DGKZ: variants seen among roughly 807,000 people sequenced by gnomAD.
The protein encoded by DGKZ is DAG kinase zeta.
Under a neutral mutation model 142.5 loss-of-function variants are expected in DGKZ, and 45 were observed. That is an observed-to-expected ratio of 0.32 (90% CI 0.25 to 0.40). DGKZ has a LOEUF of 0.40. DGKZ is among the 10% of genes least tolerant of loss of function. The pLI, the probability that DGKZ is intolerant of heterozygous loss-of-function variation, is 1.00. For synonymous variants in DGKZ, 442 were observed against 527.0 expected (o/e 0.84, Z 2.21); for missense variants, 755 against 1,306.5 (o/e 0.58, Z 6.51).
rs1944027307 is a variant in DGKZ, at chr11:46,372,268, C to T, written c.927+98C>T. On this transcript the variant is annotated intron_variant, in intron 10 of 30. Transcript: ENST00000527911. This position sits in a 1 kb window ranked among gnomAD's most constrained non-coding sequence, Gnocchi z 5.9. ...TCCCAGAGCCCGTTTCTGGCTTCTA[C>T]CCCAATCCCTCTTTCCCAGGGATCC... 3.7e-6 allele frequency: 5 copies of T among 1,360,506 alleles called. No homozygotes were observed. 84.3% of individuals were successfully genotyped at this position (1,360,506 alleles called of 1,614,324 possible).
chr11:46,375,544 C>T (rs1426226386), exon 20 of DGKZ: 8 of 1,591,322 alleles, frequency 5.0e-6, no homozygotes, highest in South Asian at 3.4e-5. Context: ...TGCAAGCTTG[C>T]AGCCTCACGC....
upstream of DGKZ, among the ~76,000 whole-genome samples, chr11:46,343,062 T>C (rs1266452539): frequency 6.6e-6 from 1 of 151,452 alleles, no homozygotes; most frequent in African/African-American, 2.4e-5. Context: ...AGGCAGAGGA[T>C]GTAGTAAGCA....
Position 46,367,622 on chromosome 11 carries a change from G to T in DGKZ, c.271-30G>T, listed in dbSNP as rs775914091. On this transcript the variant is annotated intron_variant, in intron 2 of 30. Transcript: ENST00000527911. This position sits in a 1 kb window ranked among gnomAD's most constrained non-coding sequence, Gnocchi z 4.1. Reference sequence around the variant, plus strand: ...TGGGAGGGAGGGCTGGGCGGCCAGCGTGTGCTGAGCAAGCCCATCCCGTGG... The same window carrying T: ...TGGGAGGGAGGGCTGGGCGGCCAGCTTGTGCTGAGCAAGCCCATCCCGTGG... The T allele has an allele frequency of 8.9e-6, 14 of 1,572,260 alleles. No individual in the cohort carries two copies. Among genetic ancestry groups the T allele is most frequent in the Non-Finnish European group, 1.2e-5 (14 of 1,156,108 alleles).
At chr11:46,348,699 C>T (rs983887032) in intron 1 of DGKZ, among the ~76,000 whole-genome samples, 1 of 152,206 alleles carries the variant, frequency 6.6e-6, no homozygotes, top group Non-Finnish European at 1.5e-5. Flanking sequence ...CAGTTCATGG[C>T]AAGTGTGCTG....
At chr11:46,370,056 G>C (rs762855591) in intron 6 of DGKZ, 47 bp downstream of exon 6, 1 of 1,610,658 alleles carries the variant, frequency 6.2e-7, no homozygotes, top group Non-Finnish European at 8.5e-7. Context: ...CTGCGGTCCT[G>C]AGCCCAGGCC....
intron 1 of DGKZ, chr11:46,364,607 A>T: frequency 2.0e-6 from 2 of 985,352 alleles, no homozygotes; most frequent in Non-Finnish European, 2.4e-6. Flanking sequence ...AGGCACCTCC[A>T]CCCTGTCCAT....
In DGKZ at chr11:46,367,381, G is replaced by C. The variant is rs1361988551; in HGVS notation, c.252G>C (p.Arg84=). Residue 84 remains arginine (R), a synonymous_variant, in exon 2 of 31, where the codon CGG becomes CGC. Coordinates refer to ENST00000527911, the Ensembl canonical transcript of DGKZ. This position sits in a 1 kb window ranked among gnomAD's most constrained non-coding sequence, Gnocchi z 4.1. ...GCAGCGAGTCAGAGCGGCAGATCCG[G>C]AGTACAGTGGACTGGAGCGTGAGTG... 2 of 1,613,156 alleles carry C rather than the reference G, an allele frequency of 1.2e-6. No homozygotes were observed. Among genetic ancestry groups the C allele is most frequent in the South Asian group, 2.2e-5 (2 of 91,076 alleles).
intron 1 of DGKZ, among the ~76,000 whole-genome samples, chr11:46,340,053 C>G (rs113182643): frequency 2.6e-5 from 4 of 152,300 alleles, no homozygotes; most frequent in South Asian, 2.1e-4. Flanking sequence ...CCGCAGCTTA[C>G]AAATGAGGAG....
At chr11:46,342,804 G>A (rs1484001414), upstream of DGKZ, among the ~76,000 whole-genome samples, 1 of 152,184 alleles carries the variant, frequency 6.6e-6, no homozygotes, top group African/African-American at 2.4e-5. Context: ...TAGCAGCCCT[G>A]TGCCTTGATT....
rs1311314581 is a variant in DGKZ at position 46,361,675 on chromosome 11, A to G, written c.162-5616A>G. 5 of 985,492 alleles carry G rather than the reference A, an allele frequency of 5.1e-6. No homozygotes were observed. The East Asian group carries it at 5.7e-4, about 112-fold the overall frequency. The allele number at this position is 985,492 out of a possible 1,614,324, so 61.0% of individuals were successfully genotyped here. A position where few individuals can be genotyped will look rare whatever the true frequency, so the allele number is the denominator to read the frequency against. On this transcript the variant is annotated intron_variant, in intron 1 of 30. Transcript: ENST00000527911. ...TCCAGAGCCCGGCCTTGGGGACCCC[A>G]GCTCCCACCTGCGCCCTGCCTTCCA... is the stretch of plus-strand genomic sequence containing the variant.
chr11:46,376,766 A>G, intron 24 of DGKZ: 1 of 755,994 alleles, frequency 1.3e-6, no homozygotes, highest in Admixed American at 2.8e-5. Context: ...CCAGCCAGAA[A>G]GGCAGTGGGG....
Position 46,376,621 on chromosome 11 carries a change from C to A in DGKZ, c.2202+57C>A, listed in dbSNP as rs997255488. On this transcript the variant is annotated intron_variant, in intron 24 of 30. Coordinates refer to ENST00000527911, the Ensembl canonical transcript of DGKZ. ...CTGCTTCCGGGCCCCAGGGTCGCCT[C>A]TCCTGGGACGCCTTCCCTGTTAGCT... 6.8e-6 allele frequency: 11 copies of A among 1,605,906 alleles called. No individual in the cohort carries two copies. In the African/African-American group the frequency reaches 1.3e-4, roughly 20 times the overall value.
Position 46,342,243 on chromosome 11 carries a change from T to G in DGKZ, c.212+8756T>G, listed in dbSNP as rs868855787. On this transcript the variant is annotated intron_variant, in intron 1 of 30. Transcript: ENST00000343674. ...GCCAAGGGCATCCTCCATAGTCCCA[T>G]GCACCTGTCCCTTCCAGCCGTGTCC... is the stretch of plus-strand genomic sequence containing the variant. Among the ~76,000 whole-genome samples the G allele has an allele frequency of 2.6e-5, 4 of 152,238 alleles. No homozygotes were observed. The South Asian group carries it at 8.3e-4, about 32-fold the overall frequency.
Position 46,347,554 on chromosome 11 carries a change from G to A in DGKZ, c.-106G>A, listed in dbSNP as rs1419494120. 1 of 995,026 alleles carries A rather than the reference G, an allele frequency of 1.0e-6. No homozygotes were observed. Among genetic ancestry groups the A allele is most frequent in the African/African-American group, 1.8e-5 (1 of 56,672 alleles). 61.6% of individuals were successfully genotyped at this position (995,026 alleles called of 1,614,324 possible). A position where few individuals can be genotyped will look rare whatever the true frequency, so the allele number is the denominator to read the frequency against. On this transcript the variant is annotated 5_prime_UTR_variant, in exon 1 of 31. Coordinates refer to ENST00000527911, the Ensembl canonical transcript of DGKZ. This position sits in a 1 kb window ranked among gnomAD's most constrained non-coding sequence, Gnocchi z 6.4. The stretch of plus-strand genomic sequence containing the variant: ...GGCGCGGGGCGGGCGGAGCGAGCGC[G>A]CGCCATGGAGGTGGCGGGCGGCGCG...
At chr11:46,375,902 G>A in exon 21 of DGKZ, 3 of 1,593,168 alleles carry the variant, frequency 1.9e-6, no homozygotes, top group Non-Finnish European at 1.7e-6. Context: ...GCGTCAGCAT[G>A]CACGACTATG....
At position 46,358,411 on chromosome 11, in the gene DGKZ, C is replaced by CT. The variant is rs990182167; in HGVS notation, c.162-8870dup. ...ATGCAGTTGTAAGCTGTACTAGATG[C>CT]TTTTTTTTTTAAGAACACCATTTGT... On this transcript the variant is annotated intron_variant, in intron 1 of 30. Coordinates refer to ENST00000527911, the Ensembl canonical transcript of DGKZ. Among the ~76,000 whole-genome samples, 33 of 149,024 alleles carry CT rather than the reference C, an allele frequency of 2.2e-4. 1 individual carries two copies. The highest frequency in any genetic ancestry group is 7.8e-4 in the East Asian group (4 of 5,098).
At position 46,380,079 on chromosome 11, in the gene DGKZ, C is replaced by T. The variant is rs959959482; in HGVS notation, c.*132C>T. 12 of 964,376 alleles carry T rather than the reference C, an allele frequency of 1.2e-5. No homozygotes were observed. In the Middle Eastern group the frequency reaches 1.0e-3, roughly 82 times the overall value. The allele number at this position is 964,376 out of a possible 1,614,324, so 59.7% of individuals were successfully genotyped here. On this transcript the variant is annotated 3_prime_UTR_variant, in exon 31 of 31. Coordinates refer to ENST00000527911, the Ensembl canonical transcript of DGKZ. Reference sequence around the variant, plus strand: ...CCCCAGGGAAAGAGCCCCATGCCGCCCCCTAAGGAGCCGCCCAGACCTAGG... The same window carrying T: ...CCCCAGGGAAAGAGCCCCATGCCGCTCCCTAAGGAGCCGCCCAGACCTAGG...
upstream of DGKZ, among the ~76,000 whole-genome samples, chr11:46,346,651 G>A (rs1294374397): frequency 6.6e-6 from 1 of 152,192 alleles, no homozygotes; most frequent in Non-Finnish European, 1.5e-5. Flanking sequence ...AAAGGTGTGT[G>A]TTCTGTGTGG....
At chr11:46,353,664 C>G (rs1159606378) in intron 1 of DGKZ, among the ~76,000 whole-genome samples, 1 of 152,166 alleles carries the variant, frequency 6.6e-6, no homozygotes, top group Admixed American at 6.5e-5. Context: ...GGGTCGGTGG[C>G]TGGTCTGGGG....
Sources: gnomAD v4.1 joint callset for allele counts (sites outside exome capture counted in the v4.1 genomes callset) on GRCh38, gnomAD v4.1.1 for gene constraint, Gnocchi (gnomAD v3.1) non-coding constraint, MANE v1.5 for transcripts, NCBI Gene and HGNC (gene_info 2026-07-23, HGNC 2026-07-21) for gene names.